GALR2: variants seen among roughly 807,000 people sequenced by gnomAD.
GALR2 encodes galanin receptor type 2.
Under a neutral mutation model 7.2 loss-of-function variants are expected in GALR2, and 5 were observed. The ratio of observed to expected loss-of-function variants is 0.69; its 90% confidence interval spans 0.36 to 1.45. The LOEUF (loss-of-function observed/expected upper bound fraction) is 1.45, where lower values mean the gene tolerates loss of function less well. Among genes scored for constraint, GALR2 ranks in the 40% most tolerant of loss-of-function variants. The probability of loss-of-function intolerance (pLI) is 0.03; values close to 1 mark genes in which losing one functional copy is unlikely to be tolerated. For synonymous variants in GALR2, 300 were observed against 263.9 expected (o/e 1.14, Z -1.32); for missense variants, 561 against 555.7 (o/e 1.01, Z -0.10).
chr17:76,072,605 C>A, upstream of GALR2: 1 of 1,467,364 alleles, frequency 6.8e-7, no homozygotes, highest in South Asian at 1.4e-5. This position sits in a 1 kb window ranked among gnomAD's most constrained non-coding sequence, Gnocchi z 4.5. Context: ...CCGCCGCCGT[C>A]GGCCCTTGCT....
At position 76,077,110 on chromosome 17, in the gene GALR2, C is replaced by T; in HGVS notation, c.843C>T (p.Ser281=). Residue 281 remains serine, a synonymous_variant, in exon 2 of 2, where the codon TCC becomes TCT. Coordinates refer to ENST00000329003, the MANE Select transcript of GALR2 (RefSeq NM_003857.4). ...YALRILSHLV[S]YANSCVNPIV... is the part of the protein sequence containing the mutation. The stretch of plus-strand genomic sequence containing the variant: ...TTCGCATCCTCTCGCACCTGGTCTC[C>T]TACGCCAACTCCTGCGTCAACCCCA... 6.2e-7 allele frequency: 1 copy of T among 1,613,050 alleles called. No homozygotes were observed. Among genetic ancestry groups the T allele is most frequent in the Non-Finnish European group, 8.5e-7 (1 of 1,179,892 alleles).
In GALR2 at chr17:76,074,928, G is replaced by C. The variant is rs760174198; in HGVS notation, c.45G>C (p.Ala15=). 2.5e-4 allele frequency: 386 copies of C among 1,553,224 alleles called. No homozygotes were observed. Among genetic ancestry groups the C allele is most frequent in the Non-Finnish European group, 3.1e-4 (364 of 1,156,916 alleles). The change falls in exon 1 of 2, where the codon GCG becomes GCC. Residue 15 remains alanine, a synonymous_variant. Transcript: ENST00000329003. The surrounding 1 kb of genome is among the most constrained non-coding windows in gnomAD (Gnocchi z 6.7). The stretch of plus-strand genomic sequence containing the variant: ...CAGGGGCCGGGAACGCGAGCCAGGC[G>C]GGCGGCGGGGGAGGCTGGCACCCCG... ...GCPGAGNASQ[A]GGGGGWHPEA... is the part of the protein sequence containing the mutation.
At chr17:76,072,166 A>C, upstream of GALR2, 2 of 1,392,444 alleles carry the variant, frequency 1.4e-6, no homozygotes, top group Non-Finnish European at 1.9e-6. The surrounding 1 kb of genome is among the most constrained non-coding windows in gnomAD (Gnocchi z 4.5). Flanking sequence ...CGGAATTCTG[A>C]GCACCAAAAG....
Position 76,077,310 on chromosome 17 carries a change from C to A in GALR2, c.1043C>A (p.Ala348Glu), listed in dbSNP as rs769482734. The change falls in exon 2 of 2, where the codon GCG (alanine) becomes GAG (glutamate). Residue 348 changes from alanine (A) to glutamate (E), a missense_variant. Coordinates refer to ENST00000329003, the MANE Select transcript of GALR2 (RefSeq NM_003857.4). ...ESSDLLHMSE[A>E]AGALRPCPGA... ...AGCGACCTGTTGCACATGAGCGAGG[C>A]GGCGGGGGCCCTTCGTCCCTGCCCC... 5 of 1,584,988 alleles carry A rather than the reference C, an allele frequency of 3.2e-6. No individual in the cohort carries two copies. Among genetic ancestry groups the A allele is most frequent in the East Asian group, 2.3e-5 (1 of 44,054 alleles).
upstream of GALR2, chr17:76,074,660 A>G (rs1222105793): frequency 5.4e-6 from 3 of 553,958 alleles, no homozygotes; most frequent in Non-Finnish European, 9.4e-6. The surrounding 1 kb of genome is among the most constrained non-coding windows in gnomAD (Gnocchi z 6.7). Flanking sequence ...CCCTTCCCCC[A>G]GCGCCGCCGG....
At chr17:76,072,331 A>G (rs764202545), upstream of GALR2, 7 of 1,612,176 alleles carry the variant, frequency 4.3e-6, no homozygotes, top group East Asian at 6.7e-5. This position sits in a 1 kb window ranked among gnomAD's most constrained non-coding sequence, Gnocchi z 4.5. Flanking sequence ...GCTATCCCCA[A>G]ATTCTTTGTT....
chr17:76,074,564 C>A (rs975816922), upstream of GALR2, among the ~76,000 whole-genome samples: 1 of 152,254 alleles, frequency 6.6e-6, no homozygotes, highest in Non-Finnish European at 1.5e-5. This position sits in a 1 kb window ranked among gnomAD's most constrained non-coding sequence, Gnocchi z 6.7. Flanking sequence ...CCCAGAACCC[C>A]CGACTGCGGG....
chr17:76,076,663 C>A lies in GALR2; in HGVS notation c.396C>A (p.His132Gln), dbSNP rs1464746205. Residue 132 changes from histidine to glutamine, a missense_variant, in exon 2 of 2, where the codon CAC becomes CAA. By Grantham distance (24) the His-to-Gln change is conservative. Coordinates refer to ENST00000329003, the MANE Select transcript of GALR2 (RefSeq NM_003857.4). This position sits in a 1 kb window ranked among gnomAD's most constrained non-coding sequence, Gnocchi z 6.5. ...DRYLAIRYPL[H>Q]SRELRTPRNA... The stretch of plus-strand genomic sequence containing the variant: ...ATCTGGCCATCCGCTACCCGCTGCA[C>A]TCCCGCGAGCTGCGCACGCCTCGAA... The A allele has an allele frequency of 2.5e-6, 4 of 1,593,902 alleles. No individual in the cohort carries two copies. Among genetic ancestry groups the A allele is most frequent in the Middle Eastern group, 1.7e-4 (1 of 5,934 alleles).
In GALR2 at chr17:76,075,162, C is replaced by T; in HGVS notation, c.279C>T (p.Phe93=). 1 of 1,612,254 alleles carries T rather than the reference C, an allele frequency of 6.2e-7. No homozygotes were observed. Among genetic ancestry groups the T allele is most frequent in the South Asian group, 1.1e-5 (1 of 91,020 alleles). ...ATIYTLDGWV[F]GSLLCKAVHF... is the part of the protein sequence containing the mutation. ...TCTACACCCTGGACGGCTGGGTGTT[C>T]GGCTCGCTGCTGTGCAAGGCGGTGC... The change falls in exon 1 of 2, where the codon TTC becomes TTT. Residue 93 remains phenylalanine (F), a synonymous_variant. Coordinates refer to ENST00000329003, the MANE Select transcript of GALR2 (RefSeq NM_003857.4). The surrounding 1 kb of genome is among the most constrained non-coding windows in gnomAD (Gnocchi z 5.9).
In GALR2 at chr17:76,076,536, C is replaced by G; in HGVS notation, c.369-100C>G. 1 of 751,692 alleles carries G rather than the reference C, an allele frequency of 1.3e-6. No homozygotes were observed. The allele number at this position is 751,692 out of a possible 1,614,324, so 46.6% of individuals were successfully genotyped here. ...TGCGGTGTAACCATGCGCTAAGGAC[C>G]TTCCTCGAGAGCAGCCTTGGGACCG... On this transcript the variant is annotated intron_variant, in intron 1 of 1. Transcript: ENST00000329003. This position sits in a 1 kb window ranked among gnomAD's most constrained non-coding sequence, Gnocchi z 6.5.
chr17:76,077,531 A>C lies in GALR2; in HGVS notation c.*100A>C. 13 of 1,034,628 alleles carry C rather than the reference A, an allele frequency of 1.3e-5. No individual in the cohort carries two copies. The highest frequency in any genetic ancestry group is 1.7e-5 in the South Asian group (1 of 58,422). 64.1% of individuals were successfully genotyped at this position (1,034,628 alleles called of 1,614,324 possible). A position where few individuals can be genotyped will look rare whatever the true frequency, so the allele number is the denominator to read the frequency against. On this transcript the variant is annotated 3_prime_UTR_variant, in exon 2 of 2. Transcript: ENST00000329003. The stretch of plus-strand genomic sequence containing the variant: ...GTTAATAAAACGCACAAACCATTTC[A>C]CACACAGTGACAGCGCTGTTTCGCG...
chr17:76,072,184 C>A (rs2066858225), upstream of GALR2: 1 of 1,539,932 alleles, frequency 6.5e-7, no homozygotes, highest in East Asian at 2.4e-5. This position sits in a 1 kb window ranked among gnomAD's most constrained non-coding sequence, Gnocchi z 4.5. Context: ...AAGGTAAGGG[C>A]GAGAGAAACT....
upstream of GALR2, chr17:76,072,320 G>A: frequency 6.2e-7 from 1 of 1,612,230 alleles, no homozygotes; most frequent in Non-Finnish European, 8.5e-7. This position sits in a 1 kb window ranked among gnomAD's most constrained non-coding sequence, Gnocchi z 4.5. Context: ...TCCAAACTCA[G>A]GCTATCCCCA....
rs746833055 is a variant in GALR2 at position 76,074,987 on chromosome 17, T to C, written c.104T>C (p.Ile35Thr). ...AVIVPLLFAL[I>T]FLVGTVGNTL... ...ATCGTGCCCCTGCTCTTCGCGCTCA[T>C]CTTCCTCGTGGGCACCGTGGGCAAC... The change falls in exon 1 of 2, where the codon ATC (isoleucine) becomes ACC (threonine). Residue 35 changes from isoleucine (I) to threonine (T), a missense_variant. Coordinates refer to ENST00000329003, the MANE Select transcript of GALR2 (RefSeq NM_003857.4). This position sits in a 1 kb window ranked among gnomAD's most constrained non-coding sequence, Gnocchi z 6.7. 2.6e-5 allele frequency: 41 copies of C among 1,605,184 alleles called. No homozygotes were observed. The highest frequency in any genetic ancestry group is 3.5e-5 in the Non-Finnish European group (41 of 1,179,626).
rs2066890472 is a variant in GALR2, at chr17:76,076,715, T to C, written c.448T>C (p.Trp150Arg). The C allele has an allele frequency of 1.2e-6, 2 of 1,604,156 alleles. No homozygotes were observed. Among genetic ancestry groups the C allele is most frequent in the African/African-American group, 1.3e-5 (1 of 74,924 alleles). Residue 150 changes from tryptophan (W) to arginine (R), a missense_variant, in exon 2 of 2, where the codon TGG (tryptophan) becomes CGG (arginine). Coordinates refer to ENST00000329003, the MANE Select transcript of GALR2 (RefSeq NM_003857.4). The surrounding 1 kb of genome is among the most constrained non-coding windows in gnomAD (Gnocchi z 6.5). ...CGCGCTGGCAGCCATCGGGCTCATC[T>C]GGGGGCTGTCGCTGCTCTTCTCCGG... is the stretch of plus-strand genomic sequence containing the variant. ...RNALAAIGLI[W>R]GLSLLFSGPY... is the part of the protein sequence containing the mutation.
upstream of GALR2, among the ~76,000 whole-genome samples, chr17:76,073,297 ATTTTT>A (rs1200967640): frequency 7.7e-6 from 1 of 129,748 alleles, no homozygotes; most frequent in Non-Finnish European, 1.7e-5. Context: ...TAAATGACGG[ATTTTT>A]TTTTTTTTTT....
In GALR2 at chr17:76,076,647, T is replaced by TCCGCTAC. The variant is rs1255718230; in HGVS notation, c.386_392dup (p.His132ProfsTer256). The TCCGCTAC allele has an allele frequency of 6.3e-7, 1 of 1,583,284 alleles. No individual in the cohort carries two copies. Among genetic ancestry groups the TCCGCTAC allele is most frequent in the Admixed American group, 1.7e-5 (1 of 58,974 alleles). ...CGGTCTGACCGCAGGTATCTGGCCA[T>TCCGCTAC]CCGCTACCCGCTGCACTCCCGCGAG... is the stretch of plus-strand genomic sequence containing the variant. On this transcript the variant is annotated frameshift_variant, in exon 2 of 2. Transcript: ENST00000329003. LOFTEE classifies it low-confidence loss of function (END_TRUNC). The surrounding 1 kb of genome is among the most constrained non-coding windows in gnomAD (Gnocchi z 6.5).
At chr17:76,072,520 G>T, upstream of GALR2, 3 of 1,567,892 alleles carry the variant, frequency 1.9e-6, no homozygotes, top group Non-Finnish European at 2.6e-6. The surrounding 1 kb of genome is among the most constrained non-coding windows in gnomAD (Gnocchi z 4.5). Context: ...AGCAAGACGG[G>T]ATAGGGGAGG....
rs1230931351 is a variant in GALR2, at chr17:76,077,403, A to G, written c.1136A>G (p.Asp379Gly). ...GPSWQGPKAGDSILTVDVA is the reference protein window; with the variant it reads ...GPSWQGPKAGGSILTVDVA The stretch of plus-strand genomic sequence containing the variant: ...TCCTGGCAGGGCCCAAAGGCAGGCG[A>G]CAGCATCCTGACGGTTGATGTGGCC... The change falls in exon 2 of 2, where the codon GAC becomes GGC. Residue 379 changes from aspartate (D) to glycine (G), a missense_variant. Coordinates refer to ENST00000329003, the MANE Select transcript of GALR2 (RefSeq NM_003857.4). 1 of 1,462,050 alleles carries G rather than the reference A, an allele frequency of 6.8e-7. No individual in the cohort carries two copies. The highest frequency in any genetic ancestry group is 9.0e-7 in the Non-Finnish European group (1 of 1,113,464). 90.6% of individuals were successfully genotyped at this position (1,462,050 alleles called of 1,614,324 possible). A position where few individuals can be genotyped will look rare whatever the true frequency, so the allele number is the denominator to read the frequency against.
Sources: allele counts gnomAD v4.1 joint callset (sites outside exome capture counted in the v4.1 genomes callset), GRCh38; gene constraint gnomAD v4.1.1; non-coding constraint Gnocchi (gnomAD v3.1); transcripts MANE v1.5; gene names NCBI Gene and HGNC (gene_info 2026-07-23, HGNC 2026-07-21).